Variants in JADE1 observed in about 807,000 individuals in gnomAD.
The protein encoded by JADE1 is protein Jade-1.
JADE1 carries 14 observed loss-of-function variants against 81.8 expected under a neutral mutation model. That is an observed-to-expected ratio of 0.17 (90% CI 0.11 to 0.27). The LOEUF (loss-of-function observed/expected upper bound fraction) is 0.27, where lower values mean the gene tolerates loss of function less well. Among genes scored for constraint, JADE1 ranks in the 10% least tolerant of loss-of-function variants. The pLI, the probability that JADE1 is intolerant of heterozygous loss-of-function variation, is 1.00. For missense variants in JADE1, 690 were observed against 1,047.9 expected (o/e 0.66, Z 4.71); for synonymous variants, 353 against 391.9 (o/e 0.90, Z 1.17).
At chr4:128,853,370 C>G (rs1730529877) in intron 6 of JADE1, among the ~76,000 whole-genome samples, 2 of 152,192 alleles carry the variant, frequency 1.3e-5, no homozygotes, top group South Asian at 2.1e-4. Flanking sequence ...TATTTGTGAG[C>G]ATGTGTTAGG....
At chr4:128,825,642 A>G (rs959572548) in intron 1 of JADE1, among the ~76,000 whole-genome samples, 3 of 152,226 alleles carry the variant, frequency 2.0e-5, no homozygotes, top group Non-Finnish European at 4.4e-5. Flanking sequence ...CCACTTGTCT[A>G]GTTATTTGAT....
At chr4:128,819,217 G>A (rs545696989) in intron 1 of JADE1, among the ~76,000 whole-genome samples, 5 of 152,148 alleles carry the variant, frequency 3.3e-5, no homozygotes, top group Admixed American at 2.0e-4. Context: ...AGTTGGCTAC[G>A]CTGAGGGCTG....
intron 9 of JADE1, chr4:128,862,606 AC>A: frequency 3.9e-6 from 4 of 1,033,588 alleles, no homozygotes; most frequent in Non-Finnish European, 4.7e-6. Context: ...GATTTAGAAA[AC>A]CAGAACGGAT....
At chr4:128,811,688 C>A (rs975528043) in intron 1 of JADE1, among the ~76,000 whole-genome samples, 5 of 147,576 alleles carry the variant, frequency 3.4e-5, no homozygotes, top group African/African-American at 1.2e-4. Context: ...CCGCCCCGCA[C>A]AAAGCCCGCG....
chr4:128,849,232 G>A (rs1362497589), intron 5 of JADE1, 65 bp downstream of exon 5: 1 of 1,422,498 alleles, frequency 7.0e-7, no homozygotes, highest in East Asian at 2.5e-5. Context: ...TAGGCAGGTA[G>A]GTGAGTAGCA....
intron 2 of JADE1, among the ~76,000 whole-genome samples, chr4:128,839,297 G>T (rs1729234803): frequency 6.6e-6 from 1 of 152,114 alleles, no homozygotes; most frequent in Admixed American, 6.5e-5. Flanking sequence ...AGTTCCCTCG[G>T]GTTCACAACC....
intron 1 of JADE1, among the ~76,000 whole-genome samples, chr4:128,813,934 A>T (rs1280231345): frequency 2.6e-5 from 4 of 152,026 alleles, no homozygotes; most frequent in Non-Finnish European, 4.4e-5. Flanking sequence ...AGTAAGGTAG[A>T]ACTTGAACTT....
chr4:128,874,861 T>C lies in JADE1; in HGVS notation c.*2599T>C, dbSNP rs1732457573. 1 of 152,646 alleles carries C rather than the reference T, an allele frequency of 6.6e-6. No individual in the cohort carries two copies. Among genetic ancestry groups the C allele is most frequent in the Admixed American group, 6.5e-5 (1 of 15,276 alleles). 9.5% of individuals were successfully genotyped at this position (152,646 alleles called of 1,614,324 possible). A position where few individuals can be genotyped will look rare whatever the true frequency, so the allele number is the denominator to read the frequency against. ...TTGCCTGGAATGTCATTTGTTAGGT[T>C]ATAAACACAAGATCTAAATGAAGGG... On this transcript the variant is annotated 3_prime_UTR_variant, in exon 11 of 11. Transcript: ENST00000226319.
At chr4:128,852,694 G>T (rs896948379) in intron 6 of JADE1, among the ~76,000 whole-genome samples, 2 of 152,196 alleles carry the variant, frequency 1.3e-5, no homozygotes, top group African/African-American at 4.8e-5. Flanking sequence ...TACAGACTGT[G>T]TGTGCTTAAA....
chr4:128,856,464 C>G (rs965296419), intron 7 of JADE1, among the ~76,000 whole-genome samples: 3 of 152,178 alleles, frequency 2.0e-5, no homozygotes, highest in Non-Finnish European at 2.9e-5. Flanking sequence ...TGTCATTCCC[C>G]AAGGATCAGC....
At chr4:128,864,344 C>T in intron 9 of JADE1, 1 of 648,686 alleles carries the variant, frequency 1.5e-6, no homozygotes, top group African/African-American at 2.0e-5. Flanking sequence ...GACGGTTTCA[C>T]CATGTTGGTC....
intron 1 of JADE1, among the ~76,000 whole-genome samples, chr4:128,813,601 T>C (rs1014090639): frequency 3.9e-5 from 6 of 151,996 alleles, no homozygotes; most frequent in African/African-American, 1.4e-4. Flanking sequence ...TTTTGTATTT[T>C]TAGTAGAGAC....
Position 128,809,740 on chromosome 4 carries a change from G to A in JADE1, c.-164G>A, listed in dbSNP as rs1486270958. 1 of 152,212 alleles carries A rather than the reference G, an allele frequency of 6.6e-6. No individual in the cohort carries two copies. Among genetic ancestry groups the A allele is most frequent in the Non-Finnish European group, 1.5e-5 (1 of 68,096 alleles). 9.4% of individuals were successfully genotyped at this position (152,212 alleles called of 1,614,324 possible). A position where few individuals can be genotyped will look rare whatever the true frequency, so the allele number is the denominator to read the frequency against. On this transcript the variant is annotated 5_prime_UTR_variant, in exon 1 of 11. Transcript: ENST00000226319. ...AACGCCAGACCGAGAGTGCCTCCGTGCGCGAGTGCCCGGTGTGTGCGCGCC... is the reference window on the plus strand; with the variant it reads ...AACGCCAGACCGAGAGTGCCTCCGTACGCGAGTGCCCGGTGTGTGCGCGCC...
chr4:128,840,569 C>T (rs993331096), intron 2 of JADE1, among the ~76,000 whole-genome samples: 7 of 152,108 alleles, frequency 4.6e-5, no homozygotes, highest in Non-Finnish European at 1.0e-4. Flanking sequence ...GGCTGTGGAC[C>T]GGCTGGAGGA....
At chr4:128,839,422 T>C (rs1176525326) in intron 2 of JADE1, among the ~76,000 whole-genome samples, 1 of 152,234 alleles carries the variant, frequency 6.6e-6, no homozygotes, top group African/African-American at 2.4e-5. Context: ...ATCTCAGTGA[T>C]AAATGTTTAA....
intron 1 of JADE1, among the ~76,000 whole-genome samples, chr4:128,819,890 CAGG>C (rs1727399191): frequency 6.6e-6 from 1 of 152,190 alleles, no homozygotes; most frequent in African/African-American, 2.4e-5. Context: ...GTGGCTGGCA[CAGG>C]AGGAGAGTGC....
At chr4:128,859,774 A>G (rs1319139627) in intron 8 of JADE1, among the ~76,000 whole-genome samples, 1 of 152,152 alleles carries the variant, frequency 6.6e-6, no homozygotes, top group East Asian at 1.9e-4. Flanking sequence ...TTTTGAAGAG[A>G]GATGATATAA....
intron 1 of JADE1, among the ~76,000 whole-genome samples, chr4:128,814,024 A>C (rs1349540918): frequency 6.6e-6 from 1 of 151,582 alleles, no homozygotes; most frequent in African/African-American, 2.4e-5. Context: ...TAACAAAGGT[A>C]GATATGTGTT....
At chr4:128,868,328 A>G (rs1180779540) in intron 10 of JADE1, among the ~76,000 whole-genome samples, 1 of 152,226 alleles carries the variant, frequency 6.6e-6, no homozygotes, top group East Asian at 1.9e-4. Context: ...GTACTTGGTA[A>G]ACACATCATG....
Sources: gnomAD v4.1 joint callset for allele counts (sites outside exome capture counted in the v4.1 genomes callset) on GRCh38, gnomAD v4.1.1 for gene constraint, MANE v1.5 for transcripts, NCBI Gene and HGNC (gene_info 2026-07-23, HGNC 2026-07-21) for gene names.